GPR176: variants seen among roughly 807,000 people sequenced by gnomAD.
GPR176 encodes G protein-coupled receptor 176.
In GPR176, 26 loss-of-function variants were observed where a neutral mutation model predicts 35.4. That is an observed-to-expected ratio of 0.74 (90% CI 0.54 to 1.02). GPR176 has a LOEUF of 1.02. Among genes scored for constraint, GPR176 ranks in the 50% least tolerant of loss-of-function variants. GPR176 has a pLI of 0.00. For missense variants in GPR176, 597 were observed against 665.3 expected (o/e 0.90, Z 1.13); for synonymous variants, 278 against 271.3 (o/e 1.02, Z -0.24).
chr15:39,879,635 C>T (rs2032395303), intron 1 of GPR176, among the ~76,000 whole-genome samples: 1 of 152,148 alleles, frequency 6.6e-6, no homozygotes, highest in Admixed American at 6.5e-5. Flanking sequence ...TTGACAACAT[C>T]GTGCCTACCT....
At chr15:39,824,705 T>C (rs1286354158) in intron 1 of GPR176, among the ~76,000 whole-genome samples, 1 of 152,148 alleles carries the variant, frequency 6.6e-6, no homozygotes, top group African/African-American at 2.4e-5. Flanking sequence ...CAAATGAACA[T>C]TGGGAAGCAT....
At chr15:39,919,550 A>C (rs2033818275) in intron 1 of GPR176, among the ~76,000 whole-genome samples, 1 of 152,206 alleles carries the variant, frequency 6.6e-6, no homozygotes. Flanking sequence ...CAAGAGCTGA[A>C]GCCAGCCGGG....
chr15:39,811,903 G>T (rs756124305), intron 1 of GPR176, among the ~76,000 whole-genome samples: 1 of 148,670 alleles, frequency 6.7e-6, no homozygotes, highest in Non-Finnish European at 1.5e-5. Flanking sequence ...GTGACAGAGC[G>T]AGACTCCGTC....
intron 1 of GPR176, among the ~76,000 whole-genome samples, chr15:39,857,866 G>A (rs946526307): frequency 9.2e-5 from 14 of 151,472 alleles, no homozygotes; most frequent in African/African-American, 3.4e-4. Flanking sequence ...AGCTACTCAG[G>A]AGGCTGAGGC....
chr15:39,917,152 G>A (rs754245955), intron 1 of GPR176, among the ~76,000 whole-genome samples: 5 of 151,610 alleles, frequency 3.3e-5, no homozygotes, highest in South Asian at 4.2e-4. Flanking sequence ...GCGTGGTGGC[G>A]GGCACCTGTA....
chr15:39,847,063 A>G (rs1237599386), intron 1 of GPR176, among the ~76,000 whole-genome samples: 1 of 152,162 alleles, frequency 6.6e-6, no homozygotes. Context: ...TGGTAAAGCA[A>G]TGGCACCAGC....
At chr15:39,868,815 A>G (rs181812726) in intron 1 of GPR176, among the ~76,000 whole-genome samples, 1 of 152,224 alleles carries the variant, frequency 6.6e-6, no homozygotes, top group African/African-American at 2.4e-5. Flanking sequence ...TGCCCATACG[A>G]AGGGGCAGGA....
chr15:39,885,262 C>T (rs2032630311), intron 1 of GPR176, among the ~76,000 whole-genome samples: 1 of 152,194 alleles, frequency 6.6e-6, no homozygotes, highest in Non-Finnish European at 1.5e-5. Flanking sequence ...ATCAAGCTAA[C>T]CCTCTAGCAT....
At chr15:39,870,737 T>C (rs941060392) in intron 1 of GPR176, among the ~76,000 whole-genome samples, 1 of 152,102 alleles carries the variant, frequency 6.6e-6, no homozygotes, top group African/African-American at 2.4e-5. Context: ...TGAGACTCTG[T>C]CAGAGCCCAC....
chr15:39,805,838 G>A (rs1470691317), intron 2 of GPR176, among the ~76,000 whole-genome samples: 2 of 152,196 alleles, frequency 1.3e-5, no homozygotes, highest in Non-Finnish European at 2.9e-5. Flanking sequence ...CTACTGCTCT[G>A]GAATCTGAGG....
chr15:39,895,817 T>C (rs1001498405), intron 1 of GPR176, among the ~76,000 whole-genome samples: 1 of 152,200 alleles, frequency 6.6e-6, no homozygotes, highest in Admixed American at 6.5e-5. Context: ...ATGATGCAAA[T>C]ATATTTAAAA....
intron 1 of GPR176, among the ~76,000 whole-genome samples, chr15:39,868,097 T>G (rs1285642935): frequency 6.6e-6 from 1 of 151,192 alleles, no homozygotes; most frequent in Non-Finnish European, 1.5e-5. Context: ...CTACCATCAT[T>G]AAGAGATAGC....
At position 39,818,739 on chromosome 15, in the gene GPR176, A is replaced by C. The variant is rs371169174; in HGVS notation, c.173-11481T>G. Among the ~76,000 whole-genome samples, 151 of 152,346 alleles carry C rather than the reference A, an allele frequency of 9.9e-4. 1 individual carries two copies. Among genetic ancestry groups the C allele is most frequent in the African/African-American group, 3.5e-3 (147 of 41,586 alleles). ...TTGGGGCTCTCTCATGGAATTCACA[A>C]AGCCCCTGAAATTAGTCATTCACGT... On this transcript the variant is annotated intron_variant, in intron 1 of 2. Transcript: ENST00000561100.
At chr15:39,859,701 G>A (rs954632843) in intron 1 of GPR176, among the ~76,000 whole-genome samples, 2 of 152,010 alleles carry the variant, frequency 1.3e-5, no homozygotes, top group Admixed American at 6.6e-5. Context: ...AAGTAAAATC[G>A]GCCAGTCACA....
intron 1 of GPR176, among the ~76,000 whole-genome samples, chr15:39,849,491 T>C (rs1266550950): frequency 1.3e-5 from 2 of 152,120 alleles, no homozygotes; most frequent in African/African-American, 4.8e-5. Context: ...TACAGACCAA[T>C]ATCCCTCATG....
At chr15:39,906,508 T>C (rs1595522396) in intron 1 of GPR176, among the ~76,000 whole-genome samples, 2 of 152,346 alleles carry the variant, frequency 1.3e-5, no homozygotes, top group East Asian at 3.9e-4. Context: ...GCCATACTTT[T>C]GACCTGTCTA....
chr15:39,873,261 TG>T (rs2032116286), intron 1 of GPR176, among the ~76,000 whole-genome samples: 2 of 151,952 alleles, frequency 1.3e-5, no homozygotes, highest in Non-Finnish European at 2.9e-5. Context: ...ATAAAGCTAG[TG>T]GGTGGAAGGA....
At chr15:39,887,111 T>A (rs1313669587) in intron 1 of GPR176, among the ~76,000 whole-genome samples, 1 of 152,210 alleles carries the variant, frequency 6.6e-6, no homozygotes, top group Admixed American at 6.5e-5. Flanking sequence ...CTCCAGAGGC[T>A]GTGGTTCAGT....
chr15:39,882,618 T>A (rs2032518927), intron 1 of GPR176, among the ~76,000 whole-genome samples: 1 of 152,220 alleles, frequency 6.6e-6, no homozygotes, highest in Non-Finnish European at 1.5e-5. Context: ...CAAATAAAAG[T>A]GTTACCTTTA....
Sources: allele counts gnomAD v4.1 joint callset (sites outside exome capture counted in the v4.1 genomes callset), GRCh38; gene constraint gnomAD v4.1.1; transcripts MANE v1.5; gene names NCBI Gene and HGNC (gene_info 2026-07-23, HGNC 2026-07-21).